ME1: variants seen among roughly 807,000 people sequenced by gnomAD.
ME1 encodes NADP-dependent malic enzyme.
ME1 carries 74 observed loss-of-function variants against 66.4 expected under a neutral mutation model. That is an observed-to-expected ratio of 1.11 (90% confidence interval 0.92 to 1.35). The LOEUF is 1.35. ME1 is among the 40% of genes most tolerant of loss of function. ME1 has a pLI of 0.00. For missense variants in ME1, 750 were observed against 694.1 expected (o/e 1.08, Z -0.90); for synonymous variants, 251 against 235.6 (o/e 1.07, Z -0.60).
At chr6:83,264,476 C>T (rs565888493) in intron 6 of ME1, among the ~76,000 whole-genome samples, 1 of 152,256 alleles carries the variant, frequency 6.6e-6, no homozygotes, top group South Asian at 2.1e-4. Flanking sequence ...GACAATAATT[C>T]CTCTTATGAA....
At chr6:83,367,230 C>T (rs906629362) in intron 3 of ME1, among the ~76,000 whole-genome samples, 4 of 152,012 alleles carry the variant, frequency 2.6e-5, no homozygotes, top group African/African-American at 7.3e-5. Flanking sequence ...ATGCTGTAAA[C>T]AGATGTGCTG....
intron 5 of ME1, among the ~76,000 whole-genome samples, chr6:83,344,680 G>A (rs1768653691): frequency 6.6e-6 from 1 of 151,932 alleles, no homozygotes; most frequent in Non-Finnish European, 1.5e-5. Context: ...TCAGGAGATC[G>A]AGACCATCCT....
rs1768011301 is a variant in ME1, at chr6:83,315,370, C to G, written c.644G>C (p.Arg215Thr). 1.2e-6 allele frequency: 2 copies of G among 1,612,556 alleles called. No homozygotes were observed. Among genetic ancestry groups the G allele is most frequent in the Non-Finnish European group, 1.7e-6 (2 of 1,179,210 alleles). ...DPLYIGLRQR[R>T]VRGSEYDDFL... ...ATCATCATATTCAGAACCTCTTACTCTTCTCTGCCGTAGTCCAATGTAGAG... is the reference window on the plus strand; with the variant it reads ...ATCATCATATTCAGAACCTCTTACTGTTCTCTGCCGTAGTCCAATGTAGAG... The change falls in exon 6 of 14, where the codon AGA (arginine) becomes ACA (threonine). Residue 215 changes from arginine to threonine, a missense_variant. Coordinates refer to ENST00000369705, the MANE Select transcript of ME1 (RefSeq NM_002395.6).
intron 13 of ME1, among the ~76,000 whole-genome samples, chr6:83,213,035 G>GTTTT (rs572075871): frequency 5.0e-5 from 7 of 138,750 alleles, no homozygotes; most frequent in African/African-American, 1.1e-4. Flanking sequence ...ATTCACACCA[G>GTTTT]TTTTTTTTTT....
intron 13 of ME1, among the ~76,000 whole-genome samples, chr6:83,215,859 C>T (rs184610659): frequency 6.6e-6 from 1 of 152,180 alleles, no homozygotes; most frequent in African/African-American, 2.4e-5. Context: ...ACTACATAAC[C>T]GTGGTATGTA....
At chr6:83,250,853 A>G (rs1790710862) in intron 7 of ME1, among the ~76,000 whole-genome samples, 1 of 152,368 alleles carries the variant, frequency 6.6e-6, no homozygotes, top group South Asian at 2.1e-4. Flanking sequence ...CATAGAAGGC[A>G]ATATAGTAAA....
At chr6:83,430,834 T>A (rs751197656) in intron 1 of ME1, 43 bp downstream of exon 1, 1 of 1,503,294 alleles carries the variant, frequency 6.7e-7, no homozygotes, top group Non-Finnish European at 9.1e-7. Context: ...CTGACCCTGA[T>A]AGAGAGGGGC....
intron 12 of ME1, among the ~76,000 whole-genome samples, chr6:83,220,071 C>T (rs1329272246): frequency 6.6e-6 from 1 of 152,106 alleles, no homozygotes; most frequent in East Asian, 1.9e-4. Flanking sequence ...TATGTGTATT[C>T]CACCTATAAA....
chr6:83,248,107 A>G (rs1453772071), intron 7 of ME1, among the ~76,000 whole-genome samples: 5 of 152,046 alleles, frequency 3.3e-5, no homozygotes, highest in Non-Finnish European at 5.9e-5. Context: ...TGTACCCCAG[A>G]GCCTGACCTC....
chr6:83,346,822 A>C (rs1768696219), intron 4 of ME1, among the ~76,000 whole-genome samples: 2 of 152,116 alleles, frequency 1.3e-5, no homozygotes, highest in South Asian at 4.1e-4. Context: ...CATTCTCCTT[A>C]ACTCCTATAA....
At chr6:83,257,214 A>C (rs1766790144) in intron 6 of ME1, among the ~76,000 whole-genome samples, 2 of 151,836 alleles carry the variant, frequency 1.3e-5, no homozygotes, top group South Asian at 4.1e-4. Context: ...AATAAAAAAT[A>C]AATAAAATTA....
At chr6:83,429,745 T>C (rs1411600230) in intron 1 of ME1, among the ~76,000 whole-genome samples, 1 of 152,128 alleles carries the variant, frequency 6.6e-6, no homozygotes, top group Non-Finnish European at 1.5e-5. Context: ...ATAAATCATG[T>C]CTTTAAGTCA....
intron 5 of ME1, among the ~76,000 whole-genome samples, chr6:83,326,798 T>A (rs918879868): frequency 1.3e-5 from 2 of 152,110 alleles, no homozygotes; most frequent in Non-Finnish European, 2.9e-5. Flanking sequence ...GAGTGTAAAT[T>A]AGTTCAACCA....
intron 4 of ME1, 52 bp from the exon 5 acceptor site, chr6:83,346,386 C>T: frequency 1.5e-6 from 2 of 1,325,758 alleles, no homozygotes; most frequent in Non-Finnish European, 2.0e-6. Flanking sequence ...AATCCTGAGA[C>T]ACAATTTCTG....
At chr6:83,376,991 G>A (rs1176251016) in intron 3 of ME1, among the ~76,000 whole-genome samples, 2 of 152,058 alleles carry the variant, frequency 1.3e-5, no homozygotes, top group Non-Finnish European at 2.9e-5. Flanking sequence ...GTAACTTCAA[G>A]TTTATGACAA....
chr6:83,327,876 T>C (rs1286161295), intron 5 of ME1, among the ~76,000 whole-genome samples: 1 of 152,132 alleles, frequency 6.6e-6, no homozygotes, highest in Non-Finnish European at 1.5e-5. Context: ...TGCCCAGCTT[T>C]AAAATTTCTC....
chr6:83,259,109 T>C (rs1220332440), intron 6 of ME1, among the ~76,000 whole-genome samples: 4 of 152,184 alleles, frequency 2.6e-5, no homozygotes, highest in Admixed American at 2.6e-4. Flanking sequence ...TTTTAATTTT[T>C]CCTGAGATAT....
At chr6:83,357,935 C>CTCTCTCTCTCTCTCTCTCTATATATATA (rs1447805761) in intron 3 of ME1, among the ~76,000 whole-genome samples, 1 of 30,036 alleles carries the variant, frequency 3.3e-5, no homozygotes, top group Non-Finnish European at 5.9e-5. Flanking sequence ...CTCTCTCTCT[C>CTCTCTCTCTCTCTCTCTCTATATATATA]TATATATATA....
intron 6 of ME1, among the ~76,000 whole-genome samples, chr6:83,280,715 A>T (rs766868811): frequency 2.0e-5 from 3 of 152,072 alleles, no homozygotes; most frequent in Non-Finnish European, 4.4e-5. Flanking sequence ...CAACAACTAC[A>T]GTAGCTAAAC....
Sources: gnomAD v4.1 joint callset for allele counts (sites outside exome capture counted in the v4.1 genomes callset) on GRCh38, gnomAD v4.1.1 for gene constraint, MANE v1.5 for transcripts, NCBI Gene and HGNC (gene_info 2026-07-23, HGNC 2026-07-21) for gene names.